Variants in TENM2 observed in about 807,000 individuals in gnomAD.
The protein encoded by TENM2 is teneurin transmembrane protein 2, also known as teneurin-2.
Under a neutral mutation model 245.2 loss-of-function variants are expected in TENM2, and 52 were observed. The ratio of observed to expected loss-of-function variants is 0.21; its 90% CI spans 0.17 to 0.27. The LOEUF is 0.27. TENM2 is among the 10% of genes least tolerant of loss of function. The probability of loss-of-function intolerance (pLI) is 1.00; values close to 1 mark genes in which losing one functional copy is unlikely to be tolerated. For synonymous variants in TENM2, 1,363 were observed against 1,438.9 expected (o/e 0.95, Z 1.19); for missense variants, 3,046 against 3,666.8 (o/e 0.83, Z 4.37).
At chr5:167,275,546 G>T in the TENM2 span, among the ~76,000 whole-genome samples, 1 of 151,820 alleles carries the variant, frequency 6.6e-6, no homozygotes, top group Non-Finnish European at 1.5e-5. Context: ...ATCAGTGTTG[G>T]GTAGTTTGCA....
the TENM2 span, among the ~76,000 whole-genome samples, chr5:167,147,186 T>C: frequency 1.3e-5 from 2 of 152,210 alleles, no homozygotes; most frequent in Non-Finnish European, 2.9e-5. Context: ...TTAGATCGTA[T>C]AGGGAAACAT....
chr5:167,393,832 T>G (rs767786797), intron 2 of TENM2, among the ~76,000 whole-genome samples: 16 of 152,062 alleles, frequency 1.1e-4, no homozygotes, highest in Non-Finnish European at 1.6e-4. Context: ...TCTGGGACAA[T>G]AGCGGTAGGA....
chr5:167,707,607 A>G (rs1480440778), intron 2 of TENM2, among the ~76,000 whole-genome samples: 2 of 152,190 alleles, frequency 1.3e-5, no homozygotes, highest in East Asian at 1.9e-4. Flanking sequence ...TTATACCTCA[A>G]TAAAGTGGTT....
the TENM2 span, among the ~76,000 whole-genome samples, chr5:167,048,185 G>C: frequency 6.6e-6 from 1 of 152,110 alleles, no homozygotes; most frequent in Non-Finnish European, 1.5e-5. Context: ...GTTTGGGTTA[G>C]CATTTAGCAT....
At chr5:167,190,832 C>T in the TENM2 span, among the ~76,000 whole-genome samples, 1 of 152,032 alleles carries the variant, frequency 6.6e-6, no homozygotes, top group Non-Finnish European at 1.5e-5. Flanking sequence ...AACAGGTGGA[C>T]AACCTATTTC....
intron 2 of TENM2, among the ~76,000 whole-genome samples, chr5:167,868,016 T>C (rs1235511267): frequency 6.6e-6 from 1 of 152,202 alleles, no homozygotes; most frequent in African/African-American, 2.4e-5. Context: ...CCAATGCTTA[T>C]AAACTGGAAA....
chr5:168,148,577 C>T (rs1203531991), intron 12 of TENM2, among the ~76,000 whole-genome samples: 1 of 152,070 alleles, frequency 6.6e-6, no homozygotes, highest in Admixed American at 6.5e-5. Context: ...TTCAGGGTTC[C>T]CTGGGCCACG....
intron 2 of TENM2, among the ~76,000 whole-genome samples, chr5:167,668,992 G>C (rs1056712895): frequency 6.6e-6 from 1 of 152,094 alleles, no homozygotes; most frequent in African/African-American, 2.4e-5. Context: ...AACAGAAGTC[G>C]AAGAATAAAT....
At chr5:166,979,280 G>C in the TENM2 span, among the ~76,000 whole-genome samples, 5 of 151,770 alleles carry the variant, frequency 3.3e-5, no homozygotes, top group Non-Finnish European at 7.4e-5. Context: ...AGGCAGAACT[G>C]TGCAGAAGCG....
intron 4 of TENM2, among the ~76,000 whole-genome samples, chr5:167,973,597 C>T (rs1290805150): frequency 6.6e-6 from 1 of 152,158 alleles, no homozygotes; most frequent in Non-Finnish European, 1.5e-5. Flanking sequence ...GGAGTGCATC[C>T]AACCTACCTG....
chr5:167,854,763 A>G (rs1770913594), intron 2 of TENM2, among the ~76,000 whole-genome samples: 1 of 152,188 alleles, frequency 6.6e-6, no homozygotes. Flanking sequence ...TTAAATATGT[A>G]TATTCATGAA....
intron 6 of TENM2, among the ~76,000 whole-genome samples, chr5:168,051,087 G>T (rs1285279868): frequency 6.6e-6 from 1 of 152,186 alleles, no homozygotes; most frequent in Non-Finnish European, 1.5e-5. Flanking sequence ...TAACATAAGG[G>T]AATTCAGTTT....
intron 2 of TENM2, among the ~76,000 whole-genome samples, chr5:167,499,099 CT>C (rs1769009106): frequency 1.3e-5 from 2 of 152,132 alleles, no homozygotes; most frequent in South Asian, 2.1e-4. Context: ...CCTTTCACAC[CT>C]AGCTTCATCC....
chr5:167,470,478 C>CTTTTTTTTTTTTTTTTTTTTTTTTTTTT (rs1582137507), intron 2 of TENM2, among the ~76,000 whole-genome samples: 4 of 18,930 alleles, frequency 2.1e-4, no homozygotes, highest in South Asian at 1.5e-3. Context: ...TTTTTTTTTG[C>CTTTTTTTTTTTTTTTTTTTTTTTTTTTT]TTATGGAAGG....
chr5:168,075,292 T>G (rs769150016), intron 7 of TENM2, among the ~76,000 whole-genome samples: 136 of 152,338 alleles, frequency 8.9e-4, no homozygotes, highest in Non-Finnish European at 1.4e-3. Context: ...CTGAGTAGTA[T>G]TCCATGGTAT....
intron 2 of TENM2, among the ~76,000 whole-genome samples, chr5:167,841,962 T>A (rs1054019426): frequency 1.3e-5 from 2 of 152,126 alleles, no homozygotes; most frequent in African/African-American, 2.4e-5. Flanking sequence ...TTTGTCTCTC[T>A]CTATATATAC....
the TENM2 span, among the ~76,000 whole-genome samples, chr5:167,122,302 T>C: frequency 1.3e-5 from 2 of 152,176 alleles, no homozygotes; most frequent in African/African-American, 4.8e-5. Flanking sequence ...ACCGAGCCTA[T>C]TGAAATTTAT....
chr5:168,035,267 G>A (rs945457989), intron 5 of TENM2, among the ~76,000 whole-genome samples: 1 of 152,122 alleles, frequency 6.6e-6, no homozygotes. Flanking sequence ...CAGTACTGTG[G>A]GAGCAGATGA....
chr5:168,218,850 C>T lies in TENM2; in HGVS notation c.4959C>T (p.Asp1653=). The stretch of plus-strand genomic sequence containing the variant: ...TGCCCCGTCACCTGCTCATGCCTGA[C>T]AACCAGATCATCACCCTCACCGTGG... The change falls in exon 23 of 29, where the codon GAC becomes GAT. Residue 1653 remains aspartate, a synonymous_variant. Transcript: ENST00000518659. This position sits in a 1 kb window ranked among gnomAD's most constrained non-coding sequence, Gnocchi z 5.2. 2 of 1,614,032 alleles carry T rather than the reference C, an allele frequency of 1.2e-6. No individual in the cohort carries two copies. Among genetic ancestry groups the T allele is most frequent in the Non-Finnish European group, 1.7e-6 (2 of 1,179,902 alleles).
Sources: allele counts gnomAD v4.1 joint callset (sites outside exome capture counted in the v4.1 genomes callset), GRCh38; gene constraint gnomAD v4.1.1; non-coding constraint Gnocchi (gnomAD v3.1); transcripts MANE v1.5; gene names NCBI Gene and HGNC (gene_info 2026-07-23, HGNC 2026-07-21).